The following LTN1 variants were observed in gnomAD, a reference collection of about 807,000 sequenced individuals.
LTN1 encodes E3 ubiquitin-protein ligase listerin.
In LTN1, 88 loss-of-function variants were observed where a neutral mutation model predicts 201.2. That is an observed-to-expected ratio of 0.44 (90% CI 0.37 to 0.52). The LOEUF (loss-of-function observed/expected upper bound fraction) is 0.52. LTN1 is among the 20% of genes least tolerant of loss of function. The pLI, the probability that LTN1 is intolerant of heterozygous loss-of-function variation, is 0.00. For missense variants in LTN1, 1,752 were observed against 2,038.7 expected, an observed-to-expected ratio of 0.86 and a Z score of 2.71; for synonymous variants, 645 against 713.5, an observed-to-expected ratio of 0.90 and a Z score of 1.53.
In LTN1 at chr21:28,960,487, A is replaced by G. The variant is rs752758393; in HGVS notation, c.2353+30T>C. On this transcript the variant is annotated intron_variant, in intron 12 of 29. Coordinates refer to ENST00000361371, the MANE Select transcript of LTN1 (RefSeq NM_015565.3). ...ACAAAGGAGAAATGGACTATTCCCC[A>G]TTAGAAAACAAAAGCCATATTTGTC... 1.2e-5 allele frequency: 19 copies of G among 1,560,630 alleles called. No homozygotes were observed. In the South Asian group the frequency reaches 1.7e-4, roughly 14 times the overall value.
intron 25 of LTN1, among the ~76,000 whole-genome samples, chr21:28,938,316 T>C (rs962997995): frequency 2.0e-5 from 3 of 152,180 alleles, no homozygotes; most frequent in African/African-American, 4.8e-5. Context: ...AGCATCAAAA[T>C]ATCTGCAACT....
intron 29 of LTN1, among the ~76,000 whole-genome samples, chr21:28,930,734 C>T (rs1349342224): frequency 6.6e-6 from 1 of 152,208 alleles, no homozygotes; most frequent in Non-Finnish European, 1.5e-5. Flanking sequence ...CACACAATCA[C>T]TAAGATATAA....
intron 6 of LTN1, among the ~76,000 whole-genome samples, chr21:28,980,471 C>T (rs944039919): frequency 6.7e-6 from 1 of 149,078 alleles, no homozygotes; most frequent in Non-Finnish European, 1.5e-5. Flanking sequence ...TGCAGCACAC[C>T]AGCATGGCAC....
At chr21:28,944,354 A>G in intron 22 of LTN1, 29 bp downstream of exon 22, 1 of 1,535,118 alleles carries the variant, frequency 6.5e-7, no homozygotes, top group South Asian at 1.1e-5. Context: ...CAATGAATCA[A>G]TCTCACTATT....
chr21:28,968,362 C>T (rs1415238678), intron 9 of LTN1, among the ~76,000 whole-genome samples: 1 of 152,188 alleles, frequency 6.6e-6, no homozygotes, highest in African/African-American at 2.4e-5. Context: ...GTGCGGAATC[C>T]TATTTCCTAA....
rs985751555 is a variant in LTN1, at chr21:28,986,271, C to T, written c.247-34G>A. 4 of 1,231,270 alleles carry T rather than the reference C, an allele frequency of 3.2e-6. No individual in the cohort carries two copies. Among genetic ancestry groups the T allele is most frequent in the Admixed American group, 1.8e-5 (1 of 56,288 alleles). The allele number at this position is 1,231,270 out of a possible 1,614,324, so 76.3% of individuals were successfully genotyped here. A position where few individuals can be genotyped will look rare whatever the true frequency, so the allele number is the denominator to read the frequency against. ...AAGTTATTAACATCATTAGGATTAA[C>T]AACCATAATAACTGGCTATAGATTA... is the stretch of plus-strand genomic sequence containing the variant. On this transcript the variant is annotated intron_variant, in intron 2 of 29. Coordinates refer to ENST00000361371, the MANE Select transcript of LTN1 (RefSeq NM_015565.3). This position sits in a 1 kb window ranked among gnomAD's most constrained non-coding sequence, Gnocchi z 4.1.
rs1359262006 is a variant in LTN1, at chr21:28,943,668, T to C, written c.4219A>G (p.Lys1407Glu). 4 of 1,578,920 alleles carry C rather than the reference T, an allele frequency of 2.5e-6. No homozygotes were observed. The highest frequency in any genetic ancestry group is 1.7e-4 in the Middle Eastern group (1 of 5,976). Reference sequence around the variant, plus strand: ...TGATTCAATTGGATGAATTCTTACTTGTATAGCATATGATAAACAGCAATT... The same window carrying C: ...TGATTCAATTGGATGAATTCTTACTCGTATAGCATATGATAAACAGCAATT... ...VQIAVYHMLY[K>E]LMPELPQYDQ... The change falls in exon 23 of 30, where the codon AAA becomes GAA. Residue 1407 changes from lysine to glutamate, a missense_variant and splice_region_variant. Lys to Glu is a moderately conservative substitution (Grantham distance 56). Transcript: ENST00000361371.
chr21:28,982,238 A>T, intron 5 of LTN1, 78 bp downstream of exon 5: 1 of 1,291,808 alleles, frequency 7.7e-7, no homozygotes, highest in South Asian at 1.2e-5. Flanking sequence ...AAAAACAAAA[A>T]GTCACATTGA....
In LTN1 at chr21:28,936,549, T is replaced by G; in HGVS notation, c.4631A>C (p.Glu1544Ala). The G allele has an allele frequency of 6.2e-7, 1 of 1,613,554 alleles. No individual in the cohort carries two copies. The highest frequency in any genetic ancestry group is 8.5e-7 in the Non-Finnish European group (1 of 1,179,694). The change falls in exon 26 of 30, where the codon GAG becomes GCG. Residue 1544 changes from glutamate to alanine, a missense_variant. Coordinates refer to ENST00000361371, the MANE Select transcript of LTN1 (RefSeq NM_015565.3). ...ACCTCTAATACTCAGCTGGAGCTCC[T>G]CAGTAAAGAATGTTTTAGGGTCCTT... ...PNKDPKTFFT[E>A]ELQLSIRETT...
At chr21:28,990,977 C>T (rs1200725485) in intron 1 of LTN1, among the ~76,000 whole-genome samples, 3 of 152,088 alleles carry the variant, frequency 2.0e-5, no homozygotes, top group Admixed American at 1.3e-4. Flanking sequence ...AAAACTCTGT[C>T]CCTACAAAAA....
rs768820500 is a variant in LTN1 at position 28,947,572 on chromosome 21, T to G, written c.3379A>C (p.Ile1127Leu). 6.3e-7 allele frequency: 1 copy of G among 1,581,724 alleles called. No homozygotes were observed. The highest frequency in any genetic ancestry group is 2.3e-5 in the East Asian group (1 of 43,646). ...GACAAAAATGGACATAGACTTTGAATGGTATGCAAATTGCCTTCAGTTAGT... is the reference window on the plus strand; with the variant it reads ...GACAAAAATGGACATAGACTTTGAAGGGTATGCAAATTGCCTTCAGTTAGT... ...FPLTEGNLHT[I>L]QSLCPFLSKE... Residue 1127 changes from isoleucine to leucine, a missense_variant, in exon 19 of 30, where the codon ATT (isoleucine) becomes CTT (leucine). This residue lies in a region of LTN1 where 1,211 missense variants were observed against 1,312.8 expected (regional missense o/e 0.92). Transcript: ENST00000361371.
chr21:28,969,583 A>G lies in LTN1; in HGVS notation c.1194T>C (p.Thr398=). The G allele has an allele frequency of 6.2e-7, 1 of 1,604,880 alleles. No homozygotes were observed. Among genetic ancestry groups the G allele is most frequent in the South Asian group, 1.1e-5 (1 of 89,574 alleles). ...CCGAGGACTCTAAAGAGCTGGTTTT[A>G]GTTCTCTCTGTTGACAGCCTAAGAA... ...SLVAGLSTER[T]KTSSLESSAV... is the part of the protein sequence containing the mutation. Residue 398 remains threonine (T), a synonymous_variant, in exon 9 of 30, where the codon ACT becomes ACC. Coordinates refer to ENST00000361371, the MANE Select transcript of LTN1 (RefSeq NM_015565.3).
chr21:28,937,560 T>C (rs2084266340), intron 25 of LTN1, among the ~76,000 whole-genome samples: 1 of 152,154 alleles, frequency 6.6e-6, no homozygotes, highest in African/African-American at 2.4e-5. Flanking sequence ...AATACTTAAG[T>C]ACAAGGATCA....
chr21:28,950,171 A>G (rs1200663642), intron 18 of LTN1, among the ~76,000 whole-genome samples: 1 of 152,168 alleles, frequency 6.6e-6, no homozygotes, highest in African/African-American at 2.4e-5. Context: ...ATAGATTGAC[A>G]CAATCATTTT....
intron 6 of LTN1, among the ~76,000 whole-genome samples, chr21:28,971,887 A>C (rs970540774): frequency 2.6e-5 from 4 of 152,208 alleles, no homozygotes; most frequent in Non-Finnish European, 5.9e-5. Context: ...AAGAAAAAGG[A>C]TCCTGGAAAA....
At chr21:28,977,979 A>C (rs2084629755) in intron 6 of LTN1, among the ~76,000 whole-genome samples, 1 of 151,676 alleles carries the variant, frequency 6.6e-6, no homozygotes, top group Admixed American at 6.6e-5. Flanking sequence ...GCACTGGTAT[A>C]ACAAGAAACA....
At chr21:28,944,043 C>T in intron 22 of LTN1, 139 bp from the exon 23 acceptor site, 1 of 641,018 alleles carries the variant, frequency 1.6e-6, no homozygotes, top group Non-Finnish European at 2.7e-6. Flanking sequence ...TAACTAGAAA[C>T]ATGAACTGAA....
intron 7 of LTN1, 47 bp from the exon 8 acceptor site, chr21:28,970,789 C>G: frequency 1.4e-6 from 2 of 1,410,862 alleles, no homozygotes; most frequent in Non-Finnish European, 1.9e-6. Context: ...CATAAACATA[C>G]TTTTCTCAAT....
At chr21:28,952,018 A>G (rs1601179870) in intron 18 of LTN1, 142 bp downstream of exon 18, 10 of 545,984 alleles carry the variant, frequency 1.8e-5, no homozygotes, top group East Asian at 3.1e-5. Context: ...ACCTAAAACA[A>G]TTTAATTTGC....
Sources: gnomAD v4.1 joint callset for allele counts (sites outside exome capture counted in the v4.1 genomes callset) on GRCh38, gnomAD v4.1.1 for gene constraint, gnomAD v4.1.1 regional missense constraint, Gnocchi (gnomAD v3.1) non-coding constraint, MANE v1.5 for transcripts, NCBI Gene and HGNC (gene_info 2026-07-23, HGNC 2026-07-21) for gene names.